The following MBOAT1 variants were observed in gnomAD, a reference collection of about 807,000 sequenced individuals.
MBOAT1 encodes the protein membrane bound glycerophospholipid O-acyltransferase 1.
MBOAT1 carries 67 observed loss-of-function variants against 64.4 expected under a neutral mutation model. The ratio of observed to expected loss-of-function variants is 1.04; its 90% CI spans 0.85 to 1.27. MBOAT1 has a LOEUF of 1.27. MBOAT1 is among the 50% of genes most tolerant of loss of function. MBOAT1 has a pLI of 0.00. For synonymous variants in MBOAT1, 229 were observed against 218.9 expected (o/e 1.05, Z -0.41); for missense variants, 563 against 604.6 (o/e 0.93, Z 0.72).
At chr6:20,202,470 T>C (rs968419121) in intron 1 of MBOAT1, among the ~76,000 whole-genome samples, 2 of 152,180 alleles carry the variant, frequency 1.3e-5, no homozygotes, top group African/African-American at 4.8e-5. Context: ...TTCAAGGTGA[T>C]TGTGGACTTT....
intron 1 of MBOAT1, among the ~76,000 whole-genome samples, chr6:20,160,768 CA>C (rs1761829745): frequency 1.3e-5 from 2 of 152,252 alleles, no homozygotes; most frequent in South Asian, 4.1e-4. Flanking sequence ...TACCACAGAA[CA>C]AAAAGTGACT....
intron 1 of MBOAT1, among the ~76,000 whole-genome samples, chr6:20,180,626 G>C (rs1762481555): frequency 6.6e-6 from 1 of 152,162 alleles, no homozygotes; most frequent in Admixed American, 6.5e-5. Context: ...GTCTACACTT[G>C]ATGAACCTGA....
At chr6:20,113,568 C>T (rs1760235878) in intron 10 of MBOAT1, among the ~76,000 whole-genome samples, 1 of 152,144 alleles carries the variant, frequency 6.6e-6, no homozygotes, top group Admixed American at 6.5e-5. Context: ...AGTTATGTGA[C>T]CTCTTCAGGT....
intron 6 of MBOAT1, among the ~76,000 whole-genome samples, chr6:20,127,200 C>G (rs558262063): frequency 3.3e-5 from 5 of 152,332 alleles, no homozygotes; most frequent in African/African-American, 9.6e-5. Flanking sequence ...AGCCTGTTGT[C>G]TGCTTTGGCA....
At chr6:20,192,049 T>C (rs909705497) in intron 1 of MBOAT1, among the ~76,000 whole-genome samples, 1 of 152,180 alleles carries the variant, frequency 6.6e-6, no homozygotes, top group Non-Finnish European at 1.5e-5. Flanking sequence ...AATTCTTTTT[T>C]TTAATTCCCA....
chr6:20,115,503 A>G (rs1486953113), intron 9 of MBOAT1, 151 bp from the exon 10 acceptor site: 1 of 598,588 alleles, frequency 1.7e-6, no homozygotes, highest in East Asian at 2.8e-5. Context: ...CATCCTACAC[A>G]GGACAATTTT....
At chr6:20,164,991 G>C (rs538948720) in intron 1 of MBOAT1, among the ~76,000 whole-genome samples, 7 of 152,288 alleles carry the variant, frequency 4.6e-5, no homozygotes, top group East Asian at 1.9e-4. Context: ...GCATATTTAA[G>C]ATAGGGTAGG....
chr6:20,195,394 A>C (rs1425896051), intron 1 of MBOAT1, among the ~76,000 whole-genome samples: 1 of 152,136 alleles, frequency 6.6e-6, no homozygotes, highest in Non-Finnish European at 1.5e-5. Flanking sequence ...TTGGTTTTTC[A>C]GTTGGAATTC....
At chr6:20,111,883 T>TATATAC (rs1554115586) in intron 11 of MBOAT1, among the ~76,000 whole-genome samples, 131 of 139,846 alleles carry the variant, frequency 9.4e-4, no homozygotes, top group Middle Eastern at 3.6e-3. Context: ...TATATATGTA[T>TATATAC]ATATATATAT....
At position 20,212,206 on chromosome 6, in the gene MBOAT1, A is replaced by G; in HGVS notation, c.29T>C (p.Leu10Pro). The change falls in exon 1 of 13, where the codon CTT becomes CCT. Residue 10 changes from leucine (L) to proline (P), a missense_variant. Coordinates refer to ENST00000324607, the MANE Select transcript of MBOAT1 (RefSeq NM_001080480.3). ...GGTGGAGCCCGTGGTGCGGTAGGAA[A>G]GGCTGGACGGCTGCGGCTCTGCTGC... MAAEPQPSS[L>P]SYRTTGSTYL... 1 of 1,613,158 alleles carries G rather than the reference A, an allele frequency of 6.2e-7. No individual in the cohort carries two copies. The highest frequency in any genetic ancestry group is 8.5e-7 in the Non-Finnish European group (1 of 1,179,842).
chr6:20,112,939 A>G lies in MBOAT1; in HGVS notation c.1146T>C (p.Gly382=). The change falls in exon 11 of 13, where the codon GGT becomes GGC. Residue 382 remains glycine (G), a synonymous_variant. Transcript: ENST00000324607. ...LTFILSALWH[G]VYPGYYFTFL... Reference sequence around the variant, plus strand: ...AGGTAAAATAGTATCCAGGGTAGACACCATGCCACAAAGCAGACAGGATGA... The same window carrying G: ...AGGTAAAATAGTATCCAGGGTAGACGCCATGCCACAAAGCAGACAGGATGA... The G allele has an allele frequency of 6.2e-7, 1 of 1,614,172 alleles. No homozygotes were observed. The highest frequency in any genetic ancestry group is 8.5e-7 in the Non-Finnish European group (1 of 1,180,006).
At chr6:20,134,360 A>C (rs996440380) in intron 4 of MBOAT1, among the ~76,000 whole-genome samples, 1 of 152,092 alleles carries the variant, frequency 6.6e-6, no homozygotes, top group African/African-American at 2.4e-5. Context: ...CATTCCTCAG[A>C]AAAGATGTCC....
chr6:20,206,825 C>G (rs557585538), intron 1 of MBOAT1, among the ~76,000 whole-genome samples: 1 of 152,146 alleles, frequency 6.6e-6, no homozygotes, highest in South Asian at 2.1e-4. Flanking sequence ...CACCCTCAGG[C>G]GCACACCCCG....
intron 8 of MBOAT1, 40 bp downstream of exon 8, chr6:20,124,368 T>C: frequency 6.3e-7 from 1 of 1,580,886 alleles, no homozygotes; most frequent in Non-Finnish European, 8.6e-7. Flanking sequence ...AGCAGTAGCA[T>C]TTTTCCCTCA....
At chr6:20,109,901 ACTTTTTT>A in intron 11 of MBOAT1, 152 bp from the exon 12 acceptor site, 5 of 297,932 alleles carry the variant, frequency 1.7e-5, no homozygotes, top group East Asian at 6.5e-5. Flanking sequence ...TACCATCAGG[ACTTTTTT>A]TTTTTTTTTT....
chr6:20,196,751 C>G (rs1233744417), intron 1 of MBOAT1, among the ~76,000 whole-genome samples: 1 of 151,950 alleles, frequency 6.6e-6, no homozygotes, highest in African/African-American at 2.4e-5. Context: ...ATCCCAGCTA[C>G]TTGGGAGGCT....
At position 20,168,501 on chromosome 6, in the gene MBOAT1, G is replaced by GAGAGA. The variant is rs1166744397; in HGVS notation, c.100-15737_100-15733dup. Among the ~76,000 whole-genome samples the GAGAGA allele has an allele frequency of 3.1e-3, 204 of 66,720 alleles. 6 individuals carry two copies. Among genetic ancestry groups the GAGAGA allele is most frequent in the African/African-American group, 0.013 (197 of 15,070 alleles). The allele number at this position is 66,720 out of a possible 152,430, so 43.8% of individuals were successfully genotyped here. On this transcript the variant is annotated intron_variant, in intron 1 of 12. Transcript: ENST00000324607. ...AGACAGAGACAGAGACAGAGAGAGAGAGAGAGGAGAGGAGAGGAGAGGAGA... is the reference window on the plus strand; with the variant it reads ...AGACAGAGACAGAGACAGAGAGAGAGAGAGAAGAGAGGAGAGGAGAGGAGAGGAGA...
chr6:20,132,898 T>C (rs1303789139), intron 4 of MBOAT1, among the ~76,000 whole-genome samples: 2 of 152,220 alleles, frequency 1.3e-5, no homozygotes, highest in Non-Finnish European at 1.5e-5. Flanking sequence ...CCACATCCGA[T>C]GTTGTCAACG....
intron 1 of MBOAT1, among the ~76,000 whole-genome samples, chr6:20,187,474 T>C (rs544989114): frequency 1.3e-5 from 2 of 152,384 alleles, no homozygotes; most frequent in African/African-American, 4.8e-5. Context: ...AAGTCTCTGC[T>C]GTGGTTTCAG....
Sources: gnomAD v4.1 joint callset for allele counts (sites outside exome capture counted in the v4.1 genomes callset) on GRCh38, gnomAD v4.1.1 for gene constraint, MANE v1.5 for transcripts, NCBI Gene and HGNC (gene_info 2026-07-23, HGNC 2026-07-21) for gene names.